The following MED14 variants were observed in gnomAD, a reference collection of about 807,000 sequenced individuals.
The protein encoded by MED14 is mediator complex subunit 14.
In MED14, 8 loss-of-function variants were observed where a neutral mutation model predicts 109.0. That is an observed-to-expected ratio of 0.07 (90% confidence interval 0.04 to 0.13). MED14 has a LOEUF of 0.13. MED14 is among the 10% of genes least tolerant of loss of function. The pLI is 1.00. For missense variants in MED14, 711 were observed against 1,142.4 expected (o/e 0.62, Z 5.44); for synonymous variants, 399 against 408.7 (o/e 0.98, Z 0.29).
At chrX:40,686,698 T>A (rs1217338164) in intron 16 of MED14, among the ~76,000 whole-genome samples, 1 of 112,004 alleles carries the variant, frequency 8.9e-6, no homozygotes, top group East Asian at 2.8e-4. Context: ...AAAGCCCCAC[T>A]GCTCAAATTG....
chrX:40,661,464 A>C (rs1394067280), intron 26 of MED14, among the ~76,000 whole-genome samples: 1 of 112,159 alleles, frequency 8.9e-6, no homozygotes, highest in Non-Finnish European at 1.9e-5. Context: ...CGCCCGCCTC[A>C]GTCTCCCAAA....
Position 40,670,081 on chromosome X carries a change from C to T in MED14, c.3133+1780G>A, listed in dbSNP as rs1216700455. On this transcript the variant is annotated intron_variant, in intron 23 of 30. Transcript: ENST00000324817. ...AAAATGAGGATCTATTTTTTTAAAA[C>T]GACACCACTGAAGTAATGTGAAGAG... 7.2e-5 allele frequency among the ~76,000 whole-genome samples: 8 copies of T among 111,555 alleles called. No homozygotes were observed. The East Asian group carries it at 1.7e-3, about 24-fold the overall frequency.
At chrX:40,729,528 A>G (rs773269177) in intron 1 of MED14, 183 bp from the exon 2 acceptor site, 31 of 428,317 alleles carry the variant, frequency 7.2e-5, no homozygotes, top group Middle Eastern at 6.4e-4. Context: ...GTATGGTTAT[A>G]AGGCAAAAAC....
rs1173136487 is a variant in MED14, at chrX:40,651,825, G to T, written c.4346C>A (p.Pro1449His). ...VRDLMANLTL[P>H]PGGRP ...TAGTGTCTATGGACGCCCACCAGGG[G>T]GCAGTGTAAGATTAGCCATTAAATC... is the stretch of plus-strand genomic sequence containing the variant. Residue 1449 changes from proline to histidine, a missense_variant, in exon 31 of 31, where the codon CCC becomes CAC. Coordinates refer to ENST00000324817, the MANE Select transcript of MED14 (RefSeq NM_004229.4). The T allele has an allele frequency of 6.7e-6, 8 of 1,195,305 alleles. No individual in the cohort carries two copies. Among genetic ancestry groups the T allele is most frequent in the Non-Finnish European group, 9.0e-6 (8 of 887,797 alleles).
Position 40,707,948 on chromosome X carries a change from T to C in MED14, c.1285+1400A>G, listed in dbSNP as rs780617976. Among the ~76,000 whole-genome samples, 6 of 111,748 alleles carry C rather than the reference T, an allele frequency of 5.4e-5. No individual in the cohort carries two copies. In the South Asian group the frequency reaches 2.3e-3, roughly 42 times the overall value. ...TTAAGAAAAAAAGACGAAAAGGCAG[T>C]GGTGGTTAGTAGCCTTTCTAATTCC... On this transcript the variant is annotated intron_variant, in intron 10 of 30. Transcript: ENST00000324817.
At chrX:40,699,657 A>G (rs905639600) in intron 12 of MED14, among the ~76,000 whole-genome samples, 1 of 112,342 alleles carries the variant, frequency 8.9e-6, no homozygotes, top group Admixed American at 9.4e-5. Context: ...CAAGTTATGC[A>G]AGATGTGAAT....
At position 40,677,545 on chromosome X, in the gene MED14, T is replaced by A. The variant is rs1209502545; in HGVS notation, c.2881-2184A>T. ...TTGCCATATAATAGAATGTTTAAAA[T>A]AAACATTTAGAAACAAAAAAAACCT... is the stretch of plus-strand genomic sequence containing the variant. On this transcript the variant is annotated intron_variant, in intron 21 of 30. Coordinates refer to ENST00000324817, the MANE Select transcript of MED14 (RefSeq NM_004229.4). Among the ~76,000 whole-genome samples, 250 of 110,477 alleles carry A rather than the reference T, an allele frequency of 2.3e-3. 1 individual carries two copies. The highest frequency in any genetic ancestry group is 4.1e-3 in the Non-Finnish European group (217 of 52,683).
rs143074885 is a variant in MED14, at chrX:40,698,577, T to C, written c.1491-1394A>G. On this transcript the variant is annotated intron_variant, in intron 12 of 30. Transcript: ENST00000324817. Reference sequence around the variant, plus strand: ...TTCTAATAAAAAACATTGGGGCTTATATCTTATACATGTTCTTTCATTTCT... The same window carrying C: ...TTCTAATAAAAAACATTGGGGCTTACATCTTATACATGTTCTTTCATTTCT... 3.2e-3 allele frequency among the ~76,000 whole-genome samples: 361 copies of C among 112,689 alleles called. 6 individuals are homozygous for C. Among genetic ancestry groups the C allele is most frequent in the Admixed American group, 0.03 (320 of 10,660 alleles).
At chrX:40,716,659 T>C (rs192483583) in intron 3 of MED14, among the ~76,000 whole-genome samples, 26 of 107,182 alleles carry the variant, frequency 2.4e-4, no homozygotes, top group African/African-American at 8.5e-4. Context: ...CACTGCTGAG[T>C]ATATATATAT....
At position 40,651,519 on chromosome X, in the gene MED14, A is replaced by G. The variant is rs1928874514; in HGVS notation, c.*287T>C. The G allele has an allele frequency of 3.6e-6, 3 of 831,574 alleles. No homozygotes were observed. Among genetic ancestry groups the G allele is most frequent in the Non-Finnish European group, 4.4e-6 (3 of 683,842 alleles). 68.5% of individuals were successfully genotyped at this position (831,574 alleles called of 1,213,427 possible). ...TTAAATAAACAAGTTTGGCATTTTC[A>G]TAACTTTATAGTATAAAACAGAATA... On this transcript the variant is annotated 3_prime_UTR_variant, in exon 31 of 31. Coordinates refer to ENST00000324817, the MANE Select transcript of MED14 (RefSeq NM_004229.4).
intron 22 of MED14, among the ~76,000 whole-genome samples, 194 bp from the exon 23 acceptor site, chrX:40,672,166 A>G (rs940606793): frequency 3.6e-5 from 4 of 112,063 alleles, no homozygotes; most frequent in African/African-American, 1.3e-4. Context: ...CGACTTTCGA[A>G]ATGTTTTAAA....
intron 8 of MED14, 38 bp downstream of exon 8, chrX:40,711,131 A>G (rs1249129457): frequency 1.7e-6 from 2 of 1,180,291 alleles, no homozygotes; most frequent in African/African-American, 3.6e-5. Flanking sequence ...GAGTATTTAC[A>G]GTCATAGCAC....
At chrX:40,702,588 C>T (rs1180378226) in intron 11 of MED14, among the ~76,000 whole-genome samples, 3 of 111,057 alleles carry the variant, frequency 2.7e-5, no homozygotes, top group African/African-American at 9.8e-5. Flanking sequence ...CATTGTGATT[C>T]GCCCACTTCG....
intron 3 of MED14, among the ~76,000 whole-genome samples, chrX:40,725,318 A>C (rs1287242124): frequency 9.0e-6 from 1 of 111,620 alleles, no homozygotes; most frequent in Non-Finnish European, 1.9e-5. Flanking sequence ...AAACTTCCAA[A>C]CTCATTCTAC....
At chrX:40,653,558 C>T (rs1569276797) in intron 30 of MED14, among the ~76,000 whole-genome samples, 1 of 111,874 alleles carries the variant, frequency 8.9e-6, no homozygotes, top group East Asian at 2.8e-4. Flanking sequence ...CTATTCTAAA[C>T]AGAGAGAGAT....
chrX:40,720,774 A>G (rs1258927324), intron 3 of MED14, among the ~76,000 whole-genome samples: 1 of 109,149 alleles, frequency 9.2e-6, no homozygotes, highest in Non-Finnish European at 1.9e-5. Flanking sequence ...GCAAAGAGTA[A>G]AAAGGACTTT....
chrX:40,692,101 G>A, intron 15 of MED14, 82 bp downstream of exon 15: 1 of 912,045 alleles, frequency 1.1e-6, no homozygotes, highest in South Asian at 2.7e-5. Context: ...TTTTCCTAAT[G>A]GAATCTATAT....
intron 26 of MED14, 157 bp from the exon 27 acceptor site, chrX:40,659,764 A>G: frequency 2.3e-6 from 1 of 433,631 alleles, no homozygotes; most frequent in African/African-American, 2.5e-5. Flanking sequence ...CACTGCAAAA[A>G]GAGATGCGAT....
chrX:40,686,763 A>T (rs1434967330), intron 16 of MED14, among the ~76,000 whole-genome samples: 1 of 112,075 alleles, frequency 8.9e-6, no homozygotes, highest in Non-Finnish European at 1.9e-5. Context: ...AATTGCTTAT[A>T]TAATTTATAT....
Sources: allele counts gnomAD v4.1 joint callset (sites outside exome capture counted in the v4.1 genomes callset), GRCh38; gene constraint gnomAD v4.1.1; transcripts MANE v1.5; gene names NCBI Gene and HGNC (gene_info 2026-07-23, HGNC 2026-07-21).